Variants in SORL1 observed in about 807,000 individuals in gnomAD.
SORL1 encodes the protein sortilin related receptor 1.
A neutral mutation model predicts 273.7 loss-of-function variants in SORL1; 127 were observed. The ratio of observed to expected loss-of-function variants is 0.46; its 90% CI spans 0.40 to 0.54. The LOEUF is 0.54. Among genes scored for constraint, SORL1 ranks in the 20% least tolerant of loss-of-function variants. The probability of loss-of-function intolerance (pLI) is 0.00; values close to 1 mark genes in which losing one functional copy is unlikely to be tolerated. For missense variants in SORL1, 2,494 were observed against 2,846.1 expected, an observed-to-expected ratio of 0.88 and a Z score of 2.81; for synonymous variants, 1,031 against 1,067.4, an observed-to-expected ratio of 0.97 and a Z score of 0.66.
rs1261126898 is a variant in SORL1 at position 121,577,400 on chromosome 11, G to A, written c.3580G>A (p.Ala1194Thr). The A allele has an allele frequency of 3.1e-6, 5 of 1,596,250 alleles. No individual in the cohort carries two copies. The highest frequency in any genetic ancestry group is 1.7e-4 in the Middle Eastern group (1 of 5,980). The change falls in exon 25 of 48, where the codon GCC becomes ACC. Residue 1194 changes from alanine to threonine, a missense_variant and splice_region_variant. Around this residue, in one of 3 missense-constraint regions of SORL1, gnomAD observed 1,609 missense variants for 1,816.4 expected, o/e 0.89. Transcript: ENST00000260197. ...RDWSDEANCT[A>T]IYHTCEASNF... ...CTGGTCTGATGAAGCCAACTGTACC[G>A]GTCAGTACTTCCTGGACTCAGTTGA...
chr11:121,574,078 GCT>G (rs1862887790), intron 23 of SORL1, among the ~76,000 whole-genome samples, 161 bp from the exon 24 acceptor site: 1 of 152,142 alleles, frequency 6.6e-6, no homozygotes, highest in East Asian at 1.9e-4. Context: ...TAAATTTCAA[GCT>G]CTCATGTAAT....
chr11:121,502,846 C>T (rs979110364), intron 6 of SORL1, among the ~76,000 whole-genome samples: 7 of 151,714 alleles, frequency 4.6e-5, no homozygotes, highest in African/African-American at 1.7e-4. Context: ...TTACTTTTTT[C>T]TTTTTCAGCA....
At chr11:121,460,137 G>T (rs189771330) in intron 1 of SORL1, among the ~76,000 whole-genome samples, 4 of 152,242 alleles carry the variant, frequency 2.6e-5, no homozygotes, top group Admixed American at 2.6e-4. Flanking sequence ...CCAATATGTT[G>T]TTTATTATCT....
intron 41 of SORL1, among the ~76,000 whole-genome samples, chr11:121,616,669 C>T (rs1863646788): frequency 6.6e-6 from 1 of 152,262 alleles, no homozygotes; most frequent in Non-Finnish European, 1.5e-5. Context: ...CAGGCGATCA[C>T]CCCCTTCGGG....
chr11:121,524,092 C>T (rs1422121139), intron 11 of SORL1, among the ~76,000 whole-genome samples: 1 of 152,180 alleles, frequency 6.6e-6, no homozygotes, highest in Non-Finnish European at 1.5e-5. Context: ...TCAGATGAGG[C>T]AGATTGTTAA....
intron 6 of SORL1, among the ~76,000 whole-genome samples, chr11:121,509,018 C>T (rs191983606): frequency 2.8e-4 from 42 of 152,296 alleles, no homozygotes; most frequent in Non-Finnish European, 5.3e-4. Flanking sequence ...ATATTACTTA[C>T]CTACATTTGC....
chr11:121,574,372 A>G lies in SORL1; in HGVS notation c.3460+9A>G. On this transcript the variant is annotated intron_variant, in intron 24 of 47. Coordinates refer to ENST00000260197, the MANE Select transcript of SORL1 (RefSeq NM_003105.6). ...TGATGAAAGTCATTGTGGTAAGGGG[A>G]CATCACATCCTGAAACCCTGCTCTG... is the stretch of plus-strand genomic sequence containing the variant. 1 of 1,612,460 alleles carries G rather than the reference A, an allele frequency of 6.2e-7. No individual in the cohort carries two copies. The highest frequency in any genetic ancestry group is 8.5e-7 in the Non-Finnish European group (1 of 1,178,632).
At chr11:121,508,101 A>G (rs976413133) in intron 6 of SORL1, among the ~76,000 whole-genome samples, 17 of 152,374 alleles carry the variant, frequency 1.1e-4, no homozygotes, top group Non-Finnish European at 1.6e-4. Flanking sequence ...TCTTTGAACC[A>G]CTAAGTCTCT....
In SORL1 at chr11:121,514,624, G is replaced by C. The variant is rs75374782; in HGVS notation, c.1211+303G>C. ...TTAATCACTTCCTTGAGCTGCTTTT[G>C]TTCAGTTTTCTGGTTTTGTGGTTTC... On this transcript the variant is annotated intron_variant, in intron 8 of 47. Transcript: ENST00000260197. Among the ~76,000 whole-genome samples, 599 of 152,270 alleles carry C rather than the reference G, an allele frequency of 3.9e-3. 5 individuals are homozygous for C. The highest frequency in any genetic ancestry group is 0.013 in the African/African-American group (557 of 41,554).
chr11:121,586,248 C>T lies in SORL1; in HGVS notation c.3733C>T (p.Pro1245Ser), dbSNP rs907403589. ...GAAGAAGTGCAATGGATTCCGCTGC[C>T]CAAACGGCACTTGCATCCCATCCAG... is the stretch of plus-strand genomic sequence containing the variant. ...CEKKCNGFRC[P>S]NGTCIPSSKH... The change falls in exon 27 of 48, where the codon CCA (proline) becomes TCA (serine). Residue 1245 changes from proline (P) to serine (S), a missense_variant. Physicochemically the swap from Pro to Ser is moderately conservative, Grantham distance 74. This residue lies in a region of SORL1 where 1,609 missense variants were observed against 1,816.4 expected (regional missense o/e 0.89). Transcript: ENST00000260197. The T allele has an allele frequency of 8.7e-6, 14 of 1,613,894 alleles. No individual in the cohort carries two copies. Among genetic ancestry groups the T allele is most frequent in the Non-Finnish European group, 1.1e-5 (13 of 1,179,836 alleles).
At chr11:121,525,672 A>T (rs1862110647) in intron 11 of SORL1, among the ~76,000 whole-genome samples, 1 of 152,222 alleles carries the variant, frequency 6.6e-6, no homozygotes, top group African/African-American at 2.4e-5. Flanking sequence ...CATTTGTGTG[A>T]TTATTAATGA....
intron 38 of SORL1, chr11:121,609,844 A>C (rs2134930615): frequency 6.6e-6 from 1 of 152,272 alleles, no homozygotes. Context: ...TCCCTTATTA[A>C]TCCTTATGAA....
chr11:121,622,000 C>G (rs569079550), intron 44 of SORL1, among the ~76,000 whole-genome samples, 162 bp from the exon 45 acceptor site: 7 of 152,340 alleles, frequency 4.6e-5, no homozygotes, highest in African/African-American at 1.7e-4. Context: ...TAAAGAATAT[C>G]TACCATGTGC....
intron 11 of SORL1, among the ~76,000 whole-genome samples, chr11:121,528,071 A>G (rs1862148350): frequency 6.6e-6 from 1 of 152,144 alleles, no homozygotes; most frequent in Non-Finnish European, 1.5e-5. Flanking sequence ...GTAAGCATTT[A>G]AAGCTGTAAG....
intron 16 of SORL1, among the ~76,000 whole-genome samples, chr11:121,553,273 T>A (rs1304139012): frequency 6.6e-6 from 1 of 152,208 alleles, no homozygotes; most frequent in Admixed American, 6.5e-5. Flanking sequence ...TTGTTGTGGG[T>A]CTTAAACAAT....
At chr11:121,486,974 C>T (rs1861483400) in intron 3 of SORL1, among the ~76,000 whole-genome samples, 1 of 152,134 alleles carries the variant, frequency 6.6e-6, no homozygotes, top group African/African-American at 2.4e-5. Context: ...ATAAACAAGA[C>T]TCTCATCAAA....
At chr11:121,467,692 G>C (rs1442867946) in intron 1 of SORL1, among the ~76,000 whole-genome samples, 1 of 152,242 alleles carries the variant, frequency 6.6e-6, no homozygotes, top group Non-Finnish European at 1.5e-5. Flanking sequence ...CTGATCTCCA[G>C]ATGGATCCAG....
At chr11:121,500,034 T>A (rs1349963838) in intron 6 of SORL1, among the ~76,000 whole-genome samples, 1 of 152,224 alleles carries the variant, frequency 6.6e-6, no homozygotes, top group Non-Finnish European at 1.5e-5. Context: ...GTGCTTTGTA[T>A]TTTTTGCCCT....
rs1862255840 is a variant in SORL1, at chr11:121,535,537, G to T, written c.1685+2985G>T. On this transcript the variant is annotated intron_variant, in intron 12 of 47. Coordinates refer to ENST00000260197, the MANE Select transcript of SORL1 (RefSeq NM_003105.6). ...CAGAGAGAGAGGCTGGGAGGAGGGGGTTGTTTGAAAGAGGGCTTTCTGCTC... is the reference window on the plus strand; with the variant it reads ...CAGAGAGAGAGGCTGGGAGGAGGGGTTTGTTTGAAAGAGGGCTTTCTGCTC... 3.3e-5 allele frequency among the ~76,000 whole-genome samples: 5 copies of T among 152,182 alleles called. No homozygotes were observed. In the South Asian group the frequency reaches 1.0e-3, roughly 32 times the overall value.
Sources: gnomAD v4.1 joint callset for allele counts (sites outside exome capture counted in the v4.1 genomes callset) on GRCh38, gnomAD v4.1.1 for gene constraint, gnomAD v4.1.1 regional missense constraint, MANE v1.5 for transcripts, NCBI Gene and HGNC (gene_info 2026-07-23, HGNC 2026-07-21) for gene names.